DCC: variants seen among roughly 807,000 people sequenced by gnomAD.
DCC encodes the protein netrin receptor DCC.
In DCC, 58 loss-of-function variants were observed where a neutral mutation model predicts 172.5. That is an observed-to-expected ratio of 0.34 (90% CI 0.27 to 0.42). The LOEUF is 0.42. Among genes scored for constraint, DCC ranks in the 10% least tolerant of loss-of-function variants. DCC has a pLI of 1.00. For synonymous variants in DCC, 709 were observed against 644.5 expected, an observed-to-expected ratio of 1.10 and a Z score of -1.52; for missense variants, 1,740 against 1,791.0, an observed-to-expected ratio of 0.97 and a Z score of 0.51.
chr18:53,081,179 G>A (rs1340970459), intron 7 of DCC, among the ~76,000 whole-genome samples: 2 of 151,474 alleles, frequency 1.3e-5, no homozygotes, highest in Admixed American at 6.6e-5. Flanking sequence ...AAATAAATTA[G>A]AAGGACTAAC....
At chr18:52,668,249 C>A (rs192653646) in intron 1 of DCC, among the ~76,000 whole-genome samples, 4 of 152,248 alleles carry the variant, frequency 2.6e-5, no homozygotes, top group African/African-American at 9.6e-5. Flanking sequence ...GAGAGTGGGG[C>A]TCCCCGACTT....
chr18:52,628,826 C>T (rs1275065563), intron 1 of DCC, among the ~76,000 whole-genome samples: 1 of 152,192 alleles, frequency 6.6e-6, no homozygotes, highest in Admixed American at 6.5e-5. Flanking sequence ...AGTCACTTCA[C>T]CACATCACGT....
intron 2 of DCC, among the ~76,000 whole-genome samples, chr18:52,867,457 C>T (rs2039245915): frequency 6.6e-6 from 1 of 151,646 alleles, no homozygotes; most frequent in Non-Finnish European, 1.5e-5. Context: ...AGAAATGGTA[C>T]CAGCTCCTCT....
At chr18:53,275,974 ACT>A (rs560992301) in intron 12 of DCC, among the ~76,000 whole-genome samples, 40 of 152,234 alleles carry the variant, frequency 2.6e-4, no homozygotes, top group African/African-American at 9.6e-4. Context: ...TAAAAATATG[ACT>A]CTCATAAATA....
intron 28 of DCC, among the ~76,000 whole-genome samples, chr18:53,527,520 A>G (rs574378459): frequency 6.6e-6 from 1 of 152,158 alleles, no homozygotes; most frequent in East Asian, 1.9e-4. Context: ...AAAATATAAA[A>G]TAAAAAAATT....
At position 53,423,429 on chromosome 18, in the gene DCC, C is replaced by T. The variant is rs1042322936; in HGVS notation, c.3163+7273C>T. ...AAGAACCTTGGCTATCTGACTGTAA[C>T]GTCTCTTTCCTGGTGTCATGGCCAA... is the stretch of plus-strand genomic sequence containing the variant. On this transcript the variant is annotated intron_variant, in intron 21 of 28. Coordinates refer to ENST00000442544, the MANE Select transcript of DCC (RefSeq NM_005215.4). Among the ~76,000 whole-genome samples, 8 of 152,228 alleles carry T rather than the reference C, an allele frequency of 5.3e-5. No homozygotes were observed. In the South Asian group the frequency reaches 1.5e-3, roughly 28 times the overall value.
At chr18:53,141,757 T>C (rs1270082607) in intron 7 of DCC, among the ~76,000 whole-genome samples, 2 of 152,190 alleles carry the variant, frequency 1.3e-5, no homozygotes, top group African/African-American at 2.4e-5. Context: ...TTCTTGCCTC[T>C]CTCCTCTCCA....
At chr18:52,614,650 A>T (rs1568256797) in intron 1 of DCC, among the ~76,000 whole-genome samples, 1 of 152,164 alleles carries the variant, frequency 6.6e-6, no homozygotes, top group Non-Finnish European at 1.5e-5. Context: ...TCAGGGAAAA[A>T]ATAGATAAAA....
At chr18:53,083,374 C>G (rs947523032) in intron 7 of DCC, among the ~76,000 whole-genome samples, 2 of 152,196 alleles carry the variant, frequency 1.3e-5, no homozygotes, top group African/African-American at 4.8e-5. Context: ...GGATGATTAG[C>G]AACATGAAAG....
intron 13 of DCC, among the ~76,000 whole-genome samples, chr18:53,318,445 G>C (rs2057368690): frequency 6.6e-6 from 1 of 152,132 alleles, no homozygotes; most frequent in African/African-American, 2.4e-5. Flanking sequence ...GTGCTAAGAA[G>C]AATGTATATT....
At chr18:52,492,223 C>T (rs2030537945) in intron 1 of DCC, among the ~76,000 whole-genome samples, 1 of 151,828 alleles carries the variant, frequency 6.6e-6, no homozygotes. Flanking sequence ...GGTAGTGGGA[C>T]TGGTGAACAT....
intron 15 of DCC, among the ~76,000 whole-genome samples, chr18:53,342,905 AATTT>A (rs2057678444): frequency 6.7e-6 from 1 of 148,726 alleles, no homozygotes; most frequent in Non-Finnish European, 1.5e-5. Context: ...CTGTTTTTAA[AATTT>A]ATTTTAAATA....
At chr18:53,194,111 C>G (rs1353782358) in intron 9 of DCC, among the ~76,000 whole-genome samples, 1 of 152,120 alleles carries the variant, frequency 6.6e-6, no homozygotes, top group Non-Finnish European at 1.5e-5. Flanking sequence ...TGTGCATAAG[C>G]TGAAGACACC....
intron 15 of DCC, among the ~76,000 whole-genome samples, chr18:53,356,529 G>T (rs150729758): frequency 6.6e-6 from 1 of 152,128 alleles, no homozygotes; most frequent in African/African-American, 2.4e-5. Context: ...ACTGGGGATA[G>T]TTTGTGCCAC....
At chr18:53,322,224 T>G (rs556026257) in intron 14 of DCC, 67 bp downstream of exon 14, 1 of 906,822 alleles carries the variant, frequency 1.1e-6, no homozygotes, top group African/African-American at 1.6e-5. Flanking sequence ...AAAAGGTCTC[T>G]TAAAAAAGGA....
chr18:52,705,392 T>A (rs770977105), intron 1 of DCC, among the ~76,000 whole-genome samples: 14 of 152,312 alleles, frequency 9.2e-5, no homozygotes, highest in Non-Finnish European at 1.6e-4. Context: ...TTCGGAAGTC[T>A]ATGTTTGAAA....
chr18:53,451,973 G>A (rs1041581247), intron 23 of DCC, among the ~76,000 whole-genome samples: 8 of 152,224 alleles, frequency 5.3e-5, no homozygotes, highest in African/African-American at 1.9e-4. Context: ...GCTGGTGATA[G>A]CTGGTGTGCT....
At chr18:53,366,372 T>A (rs2058005150) in intron 15 of DCC, among the ~76,000 whole-genome samples, 1 of 152,188 alleles carries the variant, frequency 6.6e-6, no homozygotes, top group Admixed American at 6.5e-5. Context: ...ATCATTTTTT[T>A]ACCTTTAAAT....
chr18:52,545,340 C>T (rs927690381), intron 1 of DCC, among the ~76,000 whole-genome samples: 6 of 152,156 alleles, frequency 3.9e-5, no homozygotes, highest in African/African-American at 1.2e-4. Context: ...TTTGCCTGCC[C>T]TGATGCTTTC....
Sources: allele counts gnomAD v4.1 joint callset (sites outside exome capture counted in the v4.1 genomes callset), GRCh38; gene constraint gnomAD v4.1.1; transcripts MANE v1.5; gene names NCBI Gene and HGNC (gene_info 2026-07-23, HGNC 2026-07-21).